The following IL5RA variants were observed in gnomAD, a reference collection of about 807,000 sequenced individuals.
IL5RA encodes interleukin 5 receptor subunit alpha.
A neutral mutation model predicts 50.0 loss-of-function variants in IL5RA; 49 were observed. The observed-to-expected ratio is 0.98, with a 90% CI of 0.78 to 1.24. The LOEUF is 1.24. Among genes scored for constraint, IL5RA ranks in the 50% most tolerant of loss-of-function variants. IL5RA has a pLI of 0.00. For missense variants in IL5RA, 600 were observed against 500.4 expected (o/e 1.20, Z -1.90); for synonymous variants, 202 against 174.0 (o/e 1.16, Z -1.26).
chr3:3,100,627 A>T (rs1006359196), intron 5 of IL5RA, among the ~76,000 whole-genome samples: 1 of 152,232 alleles, frequency 6.6e-6, no homozygotes, highest in African/African-American at 2.4e-5. Flanking sequence ...TATTAGTGTC[A>T]TCCTGTATCA....
At position 3,066,424 on chromosome 3, in the gene IL5RA, A is replaced by T. The variant is rs1317023561; in HGVS notation, c.*3801T>A. 2 of 152,214 alleles carry T rather than the reference A, an allele frequency of 1.3e-5. No homozygotes were observed. Among genetic ancestry groups the T allele is most frequent in the African/African-American group, 4.8e-5 (2 of 41,462 alleles). The allele number at this position is 152,214 out of a possible 1,614,324, so 9.4% of individuals were successfully genotyped here. ...GATAAGCATGATTGTCTTATAGTAC[A>T]ATACAAAATTCCAAAGGAAGGAATG... On this transcript the variant is annotated 3_prime_UTR_variant, in exon 12 of 12. Coordinates refer to ENST00000446632, the MANE Select transcript of IL5RA (RefSeq NM_175726.4).
chr3:3,105,129 C>A, intron 2 of IL5RA, 142 bp from the exon 3 acceptor site: 2 of 594,750 alleles, frequency 3.4e-6, no homozygotes, highest in South Asian at 2.1e-5. Context: ...AAAGTACAAA[C>A]ATGACCAAAT....
At chr3:3,099,815 A>G (rs1051170564) in intron 5 of IL5RA, among the ~76,000 whole-genome samples, 7 of 151,860 alleles carry the variant, frequency 4.6e-5, no homozygotes, top group Admixed American at 6.6e-5. Context: ...GATTACAGGC[A>G]CGTGCCACCA....
At chr3:3,089,629 G>T (rs1305237722) in intron 9 of IL5RA, among the ~76,000 whole-genome samples, 1 of 151,838 alleles carries the variant, frequency 6.6e-6, no homozygotes, top group Non-Finnish European at 1.5e-5. Context: ...AATCACAAAG[G>T]TTGGCTACCA....
chr3:3,095,951 G>C (rs775766542), intron 7 of IL5RA, among the ~76,000 whole-genome samples: 11 of 152,180 alleles, frequency 7.2e-5, no homozygotes, highest in Non-Finnish European at 1.5e-4. Flanking sequence ...TTGGGGGCTG[G>C]AGCAGGAAGC....
At chr3:3,076,130 A>G (rs1313566134) in intron 10 of IL5RA, among the ~76,000 whole-genome samples, 1 of 152,180 alleles carries the variant, frequency 6.6e-6, no homozygotes, top group East Asian at 1.9e-4. Flanking sequence ...GAGGATGATG[A>G]CATGCAGGCA....
At chr3:3,082,290 G>T (rs534648141) in intron 9 of IL5RA, among the ~76,000 whole-genome samples, 1 of 152,144 alleles carries the variant, frequency 6.6e-6, no homozygotes, top group Non-Finnish European at 1.5e-5. Flanking sequence ...GTATTTCGAG[G>T]TAATTTGACT....
intron 9 of IL5RA, among the ~76,000 whole-genome samples, chr3:3,089,780 G>A (rs577180211): frequency 4.6e-5 from 7 of 151,888 alleles, no homozygotes; most frequent in Admixed American, 2.6e-4. Flanking sequence ...GCACCACCAC[G>A]CCCAGCTAAT....
chr3:3,105,968 G>C (rs1703902358), intron 2 of IL5RA, among the ~76,000 whole-genome samples: 1 of 152,108 alleles, frequency 6.6e-6, no homozygotes, highest in African/African-American at 2.4e-5. Context: ...CTTTTACAAA[G>C]GAGTTCTTCC....
chr3:3,103,426 T>C (rs17887044), intron 3 of IL5RA, among the ~76,000 whole-genome samples: 145 of 152,342 alleles, frequency 9.5e-4, no homozygotes, highest in African/African-American at 3.4e-3. Context: ...AAAATATCAG[T>C]GTGCATCAAA....
At position 3,081,692 on chromosome 3, in the gene IL5RA, C is replaced by G. The variant is rs17879810; in HGVS notation, c.995-5065G>C. 5.6e-3 allele frequency among the ~76,000 whole-genome samples: 856 copies of G among 152,304 alleles called. 9 individuals are homozygous for G. Among genetic ancestry groups the G allele is most frequent in the African/African-American group, 0.02 (814 of 41,566 alleles). On this transcript the variant is annotated intron_variant, in intron 9 of 11. Transcript: ENST00000446632. ...CACTCTCAAGTTATTCACTTCAGCCCTCACTTTGATAAGCGAAGATTCTCA... is the reference window on the plus strand; with the variant it reads ...CACTCTCAAGTTATTCACTTCAGCCGTCACTTTGATAAGCGAAGATTCTCA...
At chr3:3,077,952 T>G (rs1241252607) in intron 9 of IL5RA, among the ~76,000 whole-genome samples, 4 of 152,056 alleles carry the variant, frequency 2.6e-5, no homozygotes, top group Non-Finnish European at 4.4e-5. Flanking sequence ...ATTCATCCAT[T>G]TAACTAATAT....
chr3:3,089,909 A>C (rs1021028435), intron 9 of IL5RA: 1 of 248,298 alleles, frequency 4.0e-6, no homozygotes, highest in African/African-American at 2.3e-5. Flanking sequence ...CACCGCACCC[A>C]TCCCCAAGAT....
intron 9 of IL5RA, among the ~76,000 whole-genome samples, chr3:3,084,282 A>G (rs943951514): frequency 6.6e-6 from 1 of 152,228 alleles, no homozygotes; most frequent in Non-Finnish European, 1.5e-5. Context: ...CAACAAATTC[A>G]TCAAGATAAT....
At position 3,092,001 on chromosome 3, in the gene IL5RA, G is replaced by A; in HGVS notation, c.994+223C>T. 1 of 1,263,482 alleles carries A rather than the reference G, an allele frequency of 7.9e-7. No individual in the cohort carries two copies. Among genetic ancestry groups the A allele is most frequent in the South Asian group, 3.2e-5 (1 of 31,006 alleles). The allele number at this position is 1,263,482 out of a possible 1,614,324, so 78.3% of individuals were successfully genotyped here. A position where few individuals can be genotyped will look rare whatever the true frequency, so the allele number is the denominator to read the frequency against. ...AACTTGGAAAAAAAACAGGCACCAG[G>A]TCTAGGAGAGTTGGCGCTAATGAGA... On this transcript the variant is annotated intron_variant, in intron 9 of 11. Transcript: ENST00000446632. The surrounding 1 kb of genome is among the most constrained non-coding windows in gnomAD (Gnocchi z 4.2).
At chr3:3,098,761 T>C (rs1056436768) in intron 5 of IL5RA, among the ~76,000 whole-genome samples, 2 of 152,174 alleles carry the variant, frequency 1.3e-5, no homozygotes, top group Non-Finnish European at 2.9e-5. Flanking sequence ...ACTGGAGATA[T>C]GGAATTAGAA....
chr3:3,072,937 C>T (rs1466641154), intron 11 of IL5RA, among the ~76,000 whole-genome samples: 1 of 152,092 alleles, frequency 6.6e-6, no homozygotes, highest in Non-Finnish European at 1.5e-5. Flanking sequence ...GATGTGGTTA[C>T]TCAGGGGTAA....
chr3:3,084,517 C>G (rs1702783119), intron 9 of IL5RA, among the ~76,000 whole-genome samples: 1 of 152,184 alleles, frequency 6.6e-6, no homozygotes, highest in South Asian at 2.1e-4. Flanking sequence ...CAAGAATGGC[C>G]TGAAGAGGCT....
At position 3,098,256 on chromosome 3, in the gene IL5RA, G is replaced by C. The variant is rs1221281869; in HGVS notation, c.402C>G (p.Cys134Trp). 1.2e-6 allele frequency: 2 copies of C among 1,613,934 alleles called. No individual in the cohort carries two copies. The highest frequency in any genetic ancestry group is 1.7e-6 in the Non-Finnish European group (2 of 1,179,928). Residue 134 changes from cysteine (C) to tryptophan (W), a missense_variant, in exon 6 of 12, where the codon TGC becomes TGG. Physicochemically the swap from Cys to Trp is radical, Grantham distance 215 (BLOSUM62 -2). Coordinates refer to ENST00000446632, the MANE Select transcript of IL5RA (RefSeq NM_175726.4). ...SPGTSIVNLT[C>W]TTNTTEDNYS... ...AATTGTCTTCTGTAGTGTTTGTGGT[G>C]CAAGTTAAATTCACAATTGAGGTTC...
Sources: gnomAD v4.1 joint callset for allele counts (sites outside exome capture counted in the v4.1 genomes callset) on GRCh38, gnomAD v4.1.1 for gene constraint, Gnocchi (gnomAD v3.1) non-coding constraint, MANE v1.5 for transcripts, NCBI Gene and HGNC (gene_info 2026-07-23, HGNC 2026-07-21) for gene names.